The following PXT1 variants were observed in gnomAD, a reference collection of about 807,000 sequenced individuals.
PXT1 encodes peroxisomal testis-specific protein 1.
Under a neutral mutation model 11.0 loss-of-function variants are expected in PXT1, and 11 were observed. That is an observed-to-expected ratio of 1.00 (90% CI 0.63 to 1.66). The LOEUF (loss-of-function observed/expected upper bound fraction) is 1.66, where lower values mean the gene tolerates loss of function less well. Among genes scored for constraint, PXT1 ranks in the 40% most tolerant of loss-of-function variants. PXT1 has a pLI of 0.00. For missense variants in PXT1, 141 were observed against 155.5 expected (o/e 0.91, Z 0.49); for synonymous variants, 43 against 51.4 (o/e 0.84, Z 0.70).
intron 3 of PXT1, among the ~76,000 whole-genome samples, chr6:36,405,299 CAA>C (rs1324985530): frequency 1.3e-5 from 2 of 151,304 alleles, no homozygotes; most frequent in African/African-American, 2.4e-5. Context: ...CATGTTATTA[CAA>C]AAGAGTTCAA....
intron 2 of PXT1, among the ~76,000 whole-genome samples, chr6:36,437,842 T>TTTTG (rs1179710709): frequency 1.9e-5 from 2 of 105,316 alleles, no homozygotes; most frequent in African/African-American, 7.8e-5. Flanking sequence ...TTTTTTTTTT[T>TTTTG]AGAGTCTTGC....
rs59594636 is a variant in PXT1, at chr6:36,404,559, C to A, written c.170-3975G>T. Among the ~76,000 whole-genome samples, 18 of 152,152 alleles carry A rather than the reference C, an allele frequency of 1.2e-4. No individual in the cohort carries two copies. The East Asian group carries it at 3.3e-3, about 28-fold the overall frequency. ...CTGGTCTCAAACTCCTGAGCTCAAA[C>A]AATTCACCTGCCTTGGCCTTCCTAA... is the stretch of plus-strand genomic sequence containing the variant. On this transcript the variant is annotated intron_variant, in intron 3 of 4. Transcript: ENST00000454782.
chr6:36,430,477 A>G (rs1386579815), intron 2 of PXT1, among the ~76,000 whole-genome samples: 3 of 152,188 alleles, frequency 2.0e-5, no homozygotes, highest in Non-Finnish European at 4.4e-5. Flanking sequence ...GGGAGGCAAG[A>G]GGGCCAGATT....
At chr6:36,408,632 G>T (rs1042016709) in intron 3 of PXT1, among the ~76,000 whole-genome samples, 14 of 150,610 alleles carry the variant, frequency 9.3e-5, no homozygotes, top group Non-Finnish European at 1.8e-4. Flanking sequence ...TTGGGAGGCT[G>T]TTGGGGGAGG....
At position 36,396,369 on chromosome 6, in the gene PXT1, T is replaced by A. The variant is rs568491261; in HGVS notation, c.300+4085A>T. On this transcript the variant is annotated intron_variant, in intron 4 of 4. Coordinates refer to ENST00000454782, the MANE Select transcript of PXT1 (RefSeq NM_152990.4). ...CCCTCCCAGTTGCAGGACCCAGGCA[T>A]CTCTGCAGCTTGCACCCTCAGGGGC... Among the ~76,000 whole-genome samples the A allele has an allele frequency of 7.2e-5, 11 of 152,204 alleles. No homozygotes were observed. The South Asian group carries it at 2.1e-3, about 29-fold the overall frequency.
intron 1 of PXT1, among the ~76,000 whole-genome samples, chr6:36,439,143 C>G (rs1307776148): frequency 6.6e-6 from 1 of 151,556 alleles, no homozygotes; most frequent in African/African-American, 2.4e-5. Context: ...GGATTACAGG[C>G]GCACCACCGC....
At chr6:36,410,253 C>T (rs62403758) in intron 3 of PXT1, among the ~76,000 whole-genome samples, 2,853 of 151,822 alleles carry the variant, frequency 0.019, 38 homozygotes, top group Non-Finnish European at 0.027. Flanking sequence ...GAGTTCGAGA[C>T]CAGCCTGACC....
intron 3 of PXT1, among the ~76,000 whole-genome samples, chr6:36,417,767 CA>C (rs369423691): frequency 0.022 from 1,303 of 60,358 alleles, 8 homozygotes; most frequent in African/African-American, 0.054. Flanking sequence ...GATCCTGTCT[CA>C]AAAAAAAAAA....
chr6:36,429,908 A>G (rs1025958631), intron 2 of PXT1, among the ~76,000 whole-genome samples: 1 of 152,088 alleles, frequency 6.6e-6, no homozygotes, highest in African/African-American at 2.4e-5. Context: ...CATTAGAAGT[A>G]AAGCTTTTGG....
At chr6:36,401,269 T>A (rs570999534) in intron 3 of PXT1, among the ~76,000 whole-genome samples, 2 of 152,228 alleles carry the variant, frequency 1.3e-5, no homozygotes, top group African/African-American at 4.8e-5. Flanking sequence ...ATAGGACACC[T>A]CAATTTAGAT....
chr6:36,414,435 C>T (rs1483108135), intron 3 of PXT1, among the ~76,000 whole-genome samples: 1 of 152,148 alleles, frequency 6.6e-6, no homozygotes, highest in Non-Finnish European at 1.5e-5. Flanking sequence ...ATATAGGAAG[C>T]TTATGGTCCA....
rs573357358 is a variant in PXT1, at chr6:36,424,062, C to T, written c.169+1852G>A. Among the ~76,000 whole-genome samples, 5 of 152,274 alleles carry T rather than the reference C, an allele frequency of 3.3e-5. No individual in the cohort carries two copies. The East Asian group carries it at 9.7e-4, about 29-fold the overall frequency. On this transcript the variant is annotated intron_variant, in intron 3 of 4. Coordinates refer to ENST00000454782, the MANE Select transcript of PXT1 (RefSeq NM_152990.4). The stretch of plus-strand genomic sequence containing the variant: ...CAAAAGTAGCAACGCCCACAGAACG[C>T]CTCGGAAGACAGCGATCAGCTTCAC...
intron 3 of PXT1, among the ~76,000 whole-genome samples, chr6:36,421,852 T>C (rs950189303): frequency 6.6e-6 from 1 of 152,178 alleles, no homozygotes; most frequent in Non-Finnish European, 1.5e-5. Flanking sequence ...TACTCTTCTT[T>C]TAGAACCCTA....
intron 3 of PXT1, among the ~76,000 whole-genome samples, chr6:36,420,685 C>A (rs6931970): frequency 0.45 from 68,308 of 152,034 alleles, 16,110 homozygotes; most frequent in Middle Eastern, 0.55. Flanking sequence ...ATAGCACTTA[C>A]AACGTGCTAT....
At chr6:36,432,072 C>T (rs1774701116) in intron 2 of PXT1, among the ~76,000 whole-genome samples, 1 of 151,858 alleles carries the variant, frequency 6.6e-6, no homozygotes. Context: ...CTCGTCTCAA[C>T]AAATTAAAAT....
chr6:36,406,012 C>G (rs183551786), intron 3 of PXT1, among the ~76,000 whole-genome samples: 4 of 152,304 alleles, frequency 2.6e-5, no homozygotes. Flanking sequence ...TTTCTCAGAA[C>G]CTGTCCCCAT....
chr6:36,431,986 G>A (rs1412498591), intron 2 of PXT1, among the ~76,000 whole-genome samples: 2 of 151,868 alleles, frequency 1.3e-5, no homozygotes, highest in African/African-American at 2.4e-5. Context: ...CGGGAGAATC[G>A]CTTGAACCTG....
chr6:36,436,172 T>C (rs1388316572), intron 2 of PXT1, among the ~76,000 whole-genome samples: 1 of 77,040 alleles, frequency 1.3e-5, no homozygotes, highest in East Asian at 4.0e-4. Context: ...TGGCACAAAA[T>C]AAGAAAAGAT....
intron 4 of PXT1, chr6:36,392,973 T>C (rs746820531): frequency 2.0e-5 from 3 of 151,660 alleles, no homozygotes; most frequent in Non-Finnish European, 4.4e-5. Flanking sequence ...CTTCTGACCA[T>C]ATCTTTTTTT....
Sources: allele counts gnomAD v4.1 joint callset (sites outside exome capture counted in the v4.1 genomes callset), GRCh38; gene constraint gnomAD v4.1.1; transcripts MANE v1.5; gene names NCBI Gene and HGNC (gene_info 2026-07-23, HGNC 2026-07-21).